DNER: variants seen among roughly 807,000 people sequenced by gnomAD.
The protein encoded by DNER is delta/notch like EGF repeat containing.
In DNER, 33 loss-of-function variants were observed where a neutral mutation model predicts 78.2. The ratio of observed to expected loss-of-function variants is 0.42; its 90% CI spans 0.32 to 0.56. DNER has a LOEUF of 0.56. Ranked by LOEUF, DNER falls within the 20% of genes least tolerant of loss-of-function variation. The pLI is 0.11. For synonymous variants in DNER, 417 were observed against 384.8 expected (o/e 1.08, Z -0.98); for missense variants, 918 against 975.3 (o/e 0.94, Z 0.78).
intron 10 of DNER, among the ~76,000 whole-genome samples, chr2:229,401,766 C>T (rs1315404028): frequency 6.6e-6 from 1 of 152,124 alleles, no homozygotes; most frequent in Non-Finnish European, 1.5e-5. Flanking sequence ...GTGAAGCTTA[C>T]ATTGGATCTC....
At chr2:229,675,611 CTTG>C (rs1257109000) in intron 1 of DNER, among the ~76,000 whole-genome samples, 1 of 152,148 alleles carries the variant, frequency 6.6e-6, no homozygotes, top group Non-Finnish European at 1.5e-5. Context: ...CAGAAGAAAT[CTTG>C]TTATCCTACC....
intron 11 of DNER, among the ~76,000 whole-genome samples, chr2:229,374,853 T>A (rs1311115699): frequency 2.0e-5 from 3 of 152,226 alleles, no homozygotes; most frequent in Admixed American, 6.5e-5. Context: ...AGTATTATTT[T>A]ATGTTGTGTG....
At chr2:229,670,591 C>T (rs905000279) in intron 1 of DNER, among the ~76,000 whole-genome samples, 1 of 152,174 alleles carries the variant, frequency 6.6e-6, no homozygotes, top group Non-Finnish European at 1.5e-5. Context: ...TCTAAATAAA[C>T]AGGAGGCAAC....
rs1692121947 is a variant in DNER, at chr2:229,357,813, A to C, written c.*727T>G. 6.6e-6 allele frequency: 1 copy of C among 152,298 alleles called. No homozygotes were observed. Among genetic ancestry groups the C allele is most frequent in the Non-Finnish European group, 1.5e-5 (1 of 68,048 alleles). 9.4% of individuals were successfully genotyped at this position (152,298 alleles called of 1,614,324 possible). ...ACTACCTCTTAGCAACAAACAACTC[A>C]AATGTAAATTTAATTTACTCACAAT... On this transcript the variant is annotated 3_prime_UTR_variant, in exon 13 of 13. Coordinates refer to ENST00000341772, the MANE Select transcript of DNER (RefSeq NM_139072.4).
rs991240763 is a variant in DNER, at chr2:229,517,141, TA to T, written c.994-4206del. Among the ~76,000 whole-genome samples the T allele has an allele frequency of 1.5e-3, 225 of 146,534 alleles. 1 individual carries two copies. Among genetic ancestry groups the T allele is most frequent in the Middle Eastern group, 3.6e-3 (1 of 274 alleles). ...AAAAAAAAAAAAGAAAAAAAATTAA[TA>T]AAAGGAAACTTCTAGGTTAGAAAAA... On this transcript the variant is annotated intron_variant, in intron 5 of 12. Transcript: ENST00000341772.
At position 229,376,754 on chromosome 2, in the gene DNER, A is replaced by T. The variant is rs1692611531; in HGVS notation, c.1856-9635T>A. Among the ~76,000 whole-genome samples, 2 of 152,348 alleles carry T rather than the reference A, an allele frequency of 1.3e-5. 1 individual carries two copies. The highest frequency in any genetic ancestry group is 1.3e-4 in the Admixed American group (2 of 15,304). ...TAGGAACTTATCTATTGACTGATGC[A>T]TCTAGAAGAATATGCAATAAATGTC... On this transcript the variant is annotated intron_variant, in intron 11 of 12. Coordinates refer to ENST00000341772, the MANE Select transcript of DNER (RefSeq NM_139072.4).
intron 4 of DNER, among the ~76,000 whole-genome samples, chr2:229,548,830 G>A (rs1185349591): frequency 6.6e-6 from 1 of 152,122 alleles, no homozygotes; most frequent in Non-Finnish European, 1.5e-5. Context: ...TCTAAAGATA[G>A]GGGATTTATT....
chr2:229,404,686 G>A lies in DNER; in HGVS notation c.1723+2546C>T, dbSNP rs149170525. Among the ~76,000 whole-genome samples the A allele has an allele frequency of 3.8e-3, 579 of 152,254 alleles. 4 individuals carry two copies. Among genetic ancestry groups the A allele is most frequent in the African/African-American group, 0.013 (558 of 41,552 alleles). On this transcript the variant is annotated intron_variant, in intron 10 of 12. Coordinates refer to ENST00000341772, the MANE Select transcript of DNER (RefSeq NM_139072.4). ...GAAAGGAGAAGAAGATCTGAGTTTG[G>A]GGTGTCTCTGAGATTTTCAAGATAT...
At chr2:229,672,435 GGAGGGTGGT>G (rs1328572834) in intron 1 of DNER, among the ~76,000 whole-genome samples, 3 of 151,748 alleles carry the variant, frequency 2.0e-5, no homozygotes, top group Admixed American at 1.3e-4. Context: ...AGAGAGGAAA[GGAGGGTGGT>G]GAGGATAACT....
rs1253137815 is a variant in DNER, at chr2:229,714,232, C to A, written c.192G>T (p.Glu64Asp). ...CGGGGGCCGGGTGCTGCGGGTCCGG[C>A]TCAGGGCGCGAGGTGCACACACCCC... ...RNGGVCTSRP[E>D]PDPQHPAPAG... The change falls in exon 1 of 13, where the codon GAG becomes GAT. Residue 64 changes from glutamate (E) to aspartate (D), a missense_variant. By Grantham distance (45) the Glu-to-Asp change is conservative. Transcript: ENST00000341772. The A allele has an allele frequency of 1.4e-6, 2 of 1,410,834 alleles. No homozygotes were observed. The highest frequency in any genetic ancestry group is 1.8e-6 in the Non-Finnish European group (2 of 1,084,824). The allele number at this position is 1,410,834 out of a possible 1,614,324, so 87.4% of individuals were successfully genotyped here.
intron 10 of DNER, 77 bp downstream of exon 10, chr2:229,407,155 G>A (rs764508057): frequency 1.5e-5 from 19 of 1,269,226 alleles, no homozygotes; most frequent in Non-Finnish European, 2.1e-5. Context: ...ATTCATGATG[G>A]ATTTGGGTTT....
intron 1 of DNER, among the ~76,000 whole-genome samples, chr2:229,628,605 G>A (rs1698384536): frequency 1.3e-5 from 2 of 152,156 alleles, no homozygotes; most frequent in South Asian, 2.1e-4. Context: ...GGACAAGGGT[G>A]TCCAGAATGT....
At chr2:229,381,727 G>C (rs1332841780) in intron 11 of DNER, among the ~76,000 whole-genome samples, 1 of 152,226 alleles carries the variant, frequency 6.6e-6, no homozygotes, top group Non-Finnish European at 1.5e-5. Context: ...AGCCTCTCTA[G>C]ATTCCTCCTC....
At chr2:229,685,302 T>C (rs187116063) in intron 1 of DNER, among the ~76,000 whole-genome samples, 13 of 112,970 alleles carry the variant, frequency 1.2e-4, no homozygotes, top group Middle Eastern at 4.1e-3. Flanking sequence ...ACAGGATCAG[T>C]CATCGTTTTT....
At chr2:229,521,785 C>T (rs1013719258) in intron 5 of DNER, among the ~76,000 whole-genome samples, 2 of 152,072 alleles carry the variant, frequency 1.3e-5, no homozygotes, top group African/African-American at 4.8e-5. Flanking sequence ...ACACATGGAA[C>T]CTAGCCACAG....
intron 1 of DNER, among the ~76,000 whole-genome samples, chr2:229,692,979 T>A (rs961952560): frequency 4.6e-5 from 7 of 152,138 alleles, no homozygotes; most frequent in African/African-American, 7.2e-5. Flanking sequence ...GCTATATGTC[T>A]TGGGCAAGCC....
In DNER at chr2:229,630,401, G is replaced by A. The variant is rs540528143; in HGVS notation, c.277-38513C>T. On this transcript the variant is annotated intron_variant, in intron 1 of 12. Coordinates refer to ENST00000341772, the MANE Select transcript of DNER (RefSeq NM_139072.4). ...TGAGGCAGGAGAATTGCTTGAACCC[G>A]GAAGGCAGAGGTTGCAGTGAGCCGA... Among the ~76,000 whole-genome samples, 24 of 151,656 alleles carry A rather than the reference G, an allele frequency of 1.6e-4. No homozygotes were observed. The East Asian group carries it at 3.5e-3, about 22-fold the overall frequency.
intron 4 of DNER, among the ~76,000 whole-genome samples, chr2:229,582,333 C>G (rs1228219592): frequency 1.7e-4 from 26 of 152,112 alleles, no homozygotes; most frequent in Admixed American, 1.7e-3. Flanking sequence ...GTAAGAGAAG[C>G]AGCTGGCGGT....
intron 6 of DNER, among the ~76,000 whole-genome samples, 159 bp from the exon 7 acceptor site, chr2:229,477,412 G>T (rs896344656): frequency 6.6e-6 from 1 of 152,128 alleles, no homozygotes; most frequent in Admixed American, 6.5e-5. Context: ...ACAAACTATG[G>T]TAGTTTAGAA....
Sources: allele counts gnomAD v4.1 joint callset (sites outside exome capture counted in the v4.1 genomes callset), GRCh38; gene constraint gnomAD v4.1.1; transcripts MANE v1.5; gene names NCBI Gene and HGNC (gene_info 2026-07-23, HGNC 2026-07-21).